Variants in RADIL observed in about 807,000 individuals in gnomAD.
RADIL encodes Rap associating with DIL domain, also known as ras-associating and dilute domain-containing protein.
In RADIL, 99 loss-of-function variants were observed where a neutral mutation model predicts 97.6. The observed-to-expected ratio is 1.01, with a 90% CI of 0.86 to 1.20. The LOEUF is 1.20. Among genes scored for constraint, RADIL ranks in the 50% most tolerant of loss-of-function variants. RADIL has a pLI of 0.00. For missense variants in RADIL, 1,765 were observed against 1,498.9 expected (o/e 1.18, Z -2.93); for synonymous variants, 803 against 691.8 (o/e 1.16, Z -2.52).
rs1220300921 is a variant in RADIL, at chr7:4,821,457, C to A, written c.1615+937G>T. On this transcript the variant is annotated intron_variant, in intron 6 of 14. Transcript: ENST00000399583. This position sits in a 1 kb window ranked among gnomAD's most constrained non-coding sequence, Gnocchi z 5.2. The stretch of plus-strand genomic sequence containing the variant: ...AGCAGACACATGAGCCGAAATCCTA[C>A]CCCGGCTTCCGGGCCCGGCCCCATG... 1.3e-5 allele frequency among the ~76,000 whole-genome samples: 2 copies of A among 152,240 alleles called. No homozygotes were observed. The highest frequency in any genetic ancestry group is 4.8e-5 in the African/African-American group (2 of 41,456).
rs1374219599 is a variant in RADIL, at chr7:4,878,083, C to T, written c.57G>A (p.Arg19=). The T allele has an allele frequency of 1.9e-6, 3 of 1,594,242 alleles. No individual in the cohort carries two copies. The highest frequency in any genetic ancestry group is 1.1e-5 in the South Asian group (1 of 88,174). Reference sequence around the variant, plus strand: ...GCATGCTGGACAACAGCTGGCTCTGCCGCTTCAGTTTGCTCTTGGTGGGCG... The same window carrying T: ...GCATGCTGGACAACAGCTGGCTCTGTCGCTTCAGTTTGCTCTTGGTGGGCG... ...MSPPTKSKLK[R]QSQLLSSMLS... is the part of the protein sequence containing the mutation. The change falls in exon 2 of 15, where the codon CGG becomes CGA. Residue 19 remains arginine, a synonymous_variant. Coordinates refer to ENST00000399583, the MANE Select transcript of RADIL (RefSeq NM_018059.5). This position sits in a 1 kb window ranked among gnomAD's most constrained non-coding sequence, Gnocchi z 4.1.
At chr7:4,829,310 G>C (rs761958072) in intron 5 of RADIL, among the ~76,000 whole-genome samples, 6 of 152,188 alleles carry the variant, frequency 3.9e-5, no homozygotes, top group Non-Finnish European at 5.9e-5. Context: ...TCAGAGGCCA[G>C]GACCCACCCC....
At chr7:4,851,359 G>C (rs1189929725) in intron 2 of RADIL, among the ~76,000 whole-genome samples, 3 of 152,174 alleles carry the variant, frequency 2.0e-5, no homozygotes, top group African/African-American at 4.8e-5. Flanking sequence ...GGAAAGTCTA[G>C]ATTCCCTTGA....
chr7:4,855,652 T>C (rs974601607), intron 2 of RADIL, among the ~76,000 whole-genome samples: 9 of 141,654 alleles, frequency 6.4e-5, no homozygotes, highest in African/African-American at 2.3e-4. Context: ...AAAAAAGAAA[T>C]GCCTCTCTGG....
Position 4,881,854 on chromosome 7 carries a change from T to C in RADIL, c.-65+1742A>G, listed in dbSNP as rs191455063. On this transcript the variant is annotated intron_variant, in intron 1 of 14. Transcript: ENST00000399583. The stretch of plus-strand genomic sequence containing the variant: ...TGACATTTACATAATTCTTCTTTAA[T>C]AAAAAACAAATAGAAAATTACAAAC... Among the ~76,000 whole-genome samples, 694 of 152,242 alleles carry C rather than the reference T, an allele frequency of 4.6e-3. 13 individuals carry two copies. The highest frequency in any genetic ancestry group is 2.4e-3 in the Admixed American group (36 of 15,302).
Position 4,804,348 on chromosome 7 carries a change from A to T in RADIL, c.2291-594T>A, listed in dbSNP as rs557364045. Among the ~76,000 whole-genome samples, 33 of 152,326 alleles carry T rather than the reference A, an allele frequency of 2.2e-4. 1 individual carries two copies. The South Asian group carries it at 6.8e-3, about 32-fold the overall frequency. ...AGGTGGAGCCAGGGTTCCTGTTCAG[A>T]GATGTTCTCCACGGTGACCCGGGGC... is the stretch of plus-strand genomic sequence containing the variant. On this transcript the variant is annotated intron_variant, in intron 10 of 14. Transcript: ENST00000399583.
chr7:4,830,547 G>C (rs983213394), intron 5 of RADIL, among the ~76,000 whole-genome samples: 1 of 152,168 alleles, frequency 6.6e-6, no homozygotes, highest in Non-Finnish European at 1.5e-5. Context: ...AGCAAGGGAG[G>C]AGAAGGCTCA....
intron 2 of RADIL, among the ~76,000 whole-genome samples, chr7:4,847,102 C>T (rs1783592333): frequency 6.6e-6 from 1 of 151,984 alleles, no homozygotes. Flanking sequence ...GGGTGGATCA[C>T]TTGAGGTCAG....
chr7:4,877,912 G>C lies in RADIL; in HGVS notation c.228C>G (p.Thr76=), dbSNP rs199593073. The C allele has an allele frequency of 6.2e-7, 1 of 1,606,478 alleles. No homozygotes were observed. Among genetic ancestry groups the C allele is most frequent in the Non-Finnish European group, 8.5e-7 (1 of 1,179,978 alleles). ...KVFGDSVCTG[T]HYKSVLATGT... ...CGGTGGCCAGGACGCTCTTGTAGTG[G>C]GTTCCTGTGCAGACACTGTCCCCAA... Residue 76 remains threonine (T), a synonymous_variant, in exon 2 of 15, where the codon ACC becomes ACG. Transcript: ENST00000399583.
At chr7:4,865,575 G>C (rs1375650597) in intron 2 of RADIL, 2 of 792,936 alleles carry the variant, frequency 2.5e-6, no homozygotes, top group African/African-American at 3.4e-5. Context: ...TTTGAGAAAG[G>C]GACCTCGGAT....
chr7:4,847,969 G>A (rs1274280452), intron 2 of RADIL, among the ~76,000 whole-genome samples: 1 of 152,180 alleles, frequency 6.6e-6, no homozygotes, highest in Non-Finnish European at 1.5e-5. Context: ...GCCGCAGCAG[G>A]CGGATCGCTT....
At position 4,819,441 on chromosome 7, in the gene RADIL, G is replaced by A. The variant is rs977088062; in HGVS notation, c.1616-2090C>T. 2.0e-5 allele frequency among the ~76,000 whole-genome samples: 3 copies of A among 151,930 alleles called. No homozygotes were observed. Among genetic ancestry groups the A allele is most frequent in the South Asian group, 2.1e-4 (1 of 4,814 alleles). On this transcript the variant is annotated intron_variant, in intron 6 of 14. Transcript: ENST00000399583. The surrounding 1 kb of genome is among the most constrained non-coding windows in gnomAD (Gnocchi z 5.8). The stretch of plus-strand genomic sequence containing the variant: ...CTGGTGGGCATTTCTGAGGATTTCC[G>A]ACGCCCACGAGCCATTAAGAGGACA...
At position 4,835,093 on chromosome 7, in the gene RADIL, C is replaced by G; in HGVS notation, c.930G>C (p.Gln310His). 3.1e-6 allele frequency: 5 copies of G among 1,608,392 alleles called. No homozygotes were observed. Among genetic ancestry groups the G allele is most frequent in the Non-Finnish European group, 3.4e-6 (4 of 1,177,824 alleles). Residue 310 changes from glutamine (Q) to histidine (H), a missense_variant, in exon 4 of 15, where the codon CAG becomes CAC. Physicochemically the swap from Gln to His is conservative, Grantham distance 24 (BLOSUM62 0). Coordinates refer to ENST00000399583, the MANE Select transcript of RADIL (RefSeq NM_018059.5). This position sits in a 1 kb window ranked among gnomAD's most constrained non-coding sequence, Gnocchi z 5.8. ...IRRQPLPDSG[Q>H]AAGRLVLEPI... ...GCTCCAGGACCAGCCTCCCCGCGGC[C>G]TGGCCGCTGTCCGGGAGCGGTTGCC...
intron 2 of RADIL, chr7:4,859,249 T>C (rs904782102): frequency 1.3e-5 from 2 of 152,670 alleles, no homozygotes; most frequent in Non-Finnish European, 2.9e-5. Context: ...AATTCACCAA[T>C]TTGAAAAATC....
intron 2 of RADIL, chr7:4,861,850 C>CGCGACCTTCACGTCCCCCACCACA (rs1276650394): frequency 7.4e-7 from 1 of 1,351,116 alleles, no homozygotes; most frequent in Non-Finnish European, 9.7e-7. Context: ...CCCCCACCAC[C>CGCGACCTTCACGTCCCCCACCACA]GCGACCTTCG....
chr7:4,859,818 G>C lies in RADIL; in HGVS notation c.535+17787C>G, dbSNP rs185936686. 71 of 830,026 alleles carry C rather than the reference G, an allele frequency of 8.6e-5. No homozygotes were observed. In the East Asian group the frequency reaches 1.6e-3, roughly 19 times the overall value. 51.4% of individuals were successfully genotyped at this position (830,026 alleles called of 1,614,324 possible). ...TTCTAATGGAGTTGTACTTGTCTTT[G>C]TATTGAGTTTCTCCTCTTCCGTTTT... On this transcript the variant is annotated intron_variant, in intron 2 of 14. Coordinates refer to ENST00000399583, the MANE Select transcript of RADIL (RefSeq NM_018059.5).
At position 4,873,766 on chromosome 7, in the gene RADIL, C is replaced by T. The variant is rs990694306; in HGVS notation, c.535+3839G>A. Among the ~76,000 whole-genome samples the T allele has an allele frequency of 8.5e-5, 13 of 152,222 alleles. No individual in the cohort carries two copies. The highest frequency in any genetic ancestry group is 2.4e-4 in the African/African-American group (10 of 41,462). ...GGTGCCCAGGGAGGCGCAGGACAGG[C>T]GGGCTGCTGGAAGGCGCAGAGCTCA... On this transcript the variant is annotated intron_variant, in intron 2 of 14. Transcript: ENST00000399583. The surrounding 1 kb of genome is among the most constrained non-coding windows in gnomAD (Gnocchi z 4.3).
intron 2 of RADIL, among the ~76,000 whole-genome samples, chr7:4,856,517 T>C (rs548105504): frequency 1.5e-4 from 23 of 152,218 alleles, no homozygotes; most frequent in Non-Finnish European, 2.6e-4. Flanking sequence ...GCTTAGGGCC[T>C]GTTTTTCAGT....
In RADIL at chr7:4,835,607, G is replaced by C. The variant is rs914766059; in HGVS notation, c.784-368C>G. ...CCCAAAACTGTGTGGGAGCACTGCC[G>C]CCTGTGTGGGAGCACCACCCCCAGT... is the stretch of plus-strand genomic sequence containing the variant. On this transcript the variant is annotated intron_variant, in intron 3 of 14. Coordinates refer to ENST00000399583, the MANE Select transcript of RADIL (RefSeq NM_018059.5). This position sits in a 1 kb window ranked among gnomAD's most constrained non-coding sequence, Gnocchi z 5.8. Among the ~76,000 whole-genome samples the C allele has an allele frequency of 6.6e-6, 1 of 151,872 alleles. No homozygotes were observed. The highest frequency in any genetic ancestry group is 1.5e-5 in the Non-Finnish European group (1 of 67,834).
Sources: gnomAD v4.1 joint callset for allele counts (sites outside exome capture counted in the v4.1 genomes callset) on GRCh38, gnomAD v4.1.1 for gene constraint, Gnocchi (gnomAD v3.1) non-coding constraint, MANE v1.5 for transcripts, NCBI Gene and HGNC (gene_info 2026-07-23, HGNC 2026-07-21) for gene names.